PPP2R2C: variants seen among roughly 807,000 people sequenced by gnomAD.
PPP2R2C encodes the protein protein phosphatase 2 regulatory subunit Bgamma, also known as protein phosphatase 2, regulatory subunit B, gamma.
Under a neutral mutation model 45.3 loss-of-function variants are expected in PPP2R2C, and 10 were observed. The observed-to-expected ratio is 0.22, with a 90% CI of 0.14 to 0.37. The LOEUF is 0.37. Among genes scored for constraint, PPP2R2C ranks in the 10% least tolerant of loss-of-function variants. The pLI is 1.00. For missense variants in PPP2R2C, 308 were observed against 619.7 expected (o/e 0.50, Z 5.34); for synonymous variants, 257 against 245.4 (o/e 1.05, Z -0.44).
At chr4:6,443,375 G>A (rs958223128) in intron 1 of PPP2R2C, among the ~76,000 whole-genome samples, 1 of 152,212 alleles carries the variant, frequency 6.6e-6, no homozygotes, top group African/African-American at 2.4e-5. Context: ...CACAGGGTGC[G>A]CTCCAGAGGC....
chr4:6,376,063 G>T, intron 3 of PPP2R2C, 132 bp from the exon 4 acceptor site: 1 of 725,206 alleles, frequency 1.4e-6, no homozygotes, highest in Non-Finnish European at 2.3e-6. Context: ...GACGGCTTTG[G>T]ACCAGAACTG....
intron 6 of PPP2R2C, among the ~76,000 whole-genome samples, chr4:6,341,266 G>C (rs572817977): frequency 3.3e-5 from 5 of 151,280 alleles, no homozygotes; most frequent in African/African-American, 1.2e-4. Flanking sequence ...TTGAACCCAG[G>C]AGGTGGAGGT....
At chr4:6,396,331 G>A (rs944773216) in intron 1 of PPP2R2C, among the ~76,000 whole-genome samples, 1 of 152,174 alleles carries the variant, frequency 6.6e-6, no homozygotes, top group African/African-American at 2.4e-5. Flanking sequence ...GTACCTTGTG[G>A]CCTGTACCCC....
intron 2 of PPP2R2C, among the ~76,000 whole-genome samples, chr4:6,523,136 A>G (rs918064730): frequency 2.6e-5 from 4 of 152,226 alleles, no homozygotes; most frequent in Non-Finnish European, 5.9e-5. Flanking sequence ...ACCATGTCCA[A>G]GGACTGTGCC....
chr4:6,456,164 G>A (rs2108751936), intron 1 of PPP2R2C, among the ~76,000 whole-genome samples: 1 of 152,370 alleles, frequency 6.6e-6, no homozygotes, highest in African/African-American at 2.4e-5. Context: ...AACTCAGAGT[G>A]CAGGATGATC....
intron 2 of PPP2R2C, among the ~76,000 whole-genome samples, chr4:6,490,914 G>A (rs1722682848): frequency 6.6e-6 from 1 of 152,182 alleles, no homozygotes; most frequent in African/African-American, 2.4e-5. Context: ...GGCTTAAAGA[G>A]GTTAAGCAAC....
intron 5 of PPP2R2C, among the ~76,000 whole-genome samples, chr4:6,367,989 T>G (rs1484841306): frequency 1.3e-5 from 2 of 152,286 alleles, no homozygotes; most frequent in East Asian, 3.9e-4. Flanking sequence ...CCAGGGTGCT[T>G]TATGTTTTGA....
intron 2 of PPP2R2C, among the ~76,000 whole-genome samples, chr4:6,494,268 C>A (rs1442668126): frequency 6.6e-6 from 1 of 152,178 alleles, no homozygotes; most frequent in Non-Finnish European, 1.5e-5. Flanking sequence ...GGTTCCTTAC[C>A]ATAGGTCCCC....
At chr4:6,562,654 T>C (rs1725618370) in intron 1 of PPP2R2C, among the ~76,000 whole-genome samples, 1 of 152,108 alleles carries the variant, frequency 6.6e-6, no homozygotes, top group Admixed American at 6.5e-5. Context: ...GTACCCCCCA[T>C]AGGCCTCTTC....
chr4:6,412,051 G>T (rs1718234413), intron 1 of PPP2R2C, among the ~76,000 whole-genome samples: 1 of 152,186 alleles, frequency 6.6e-6, no homozygotes, highest in Non-Finnish European at 1.5e-5. Context: ...GTTCCATGAT[G>T]TCCAGCTCTG....
At chr4:6,356,863 C>A (rs547017532) in intron 5 of PPP2R2C, among the ~76,000 whole-genome samples, 2 of 147,618 alleles carry the variant, frequency 1.4e-5, no homozygotes, top group East Asian at 4.1e-4. Context: ...CTGCAGCCAC[C>A]GGCATGAGAC....
chr4:6,417,895 T>C (rs1270419059), intron 1 of PPP2R2C, among the ~76,000 whole-genome samples: 2 of 152,070 alleles, frequency 1.3e-5, no homozygotes, highest in Non-Finnish European at 2.9e-5. Context: ...CAGATTTCTG[T>C]CATTTGACCC....
intron 1 of PPP2R2C, chr4:6,381,931 T>C (rs1197182831): frequency 1.3e-6 from 2 of 1,552,520 alleles, no homozygotes; most frequent in East Asian, 4.6e-5. Flanking sequence ...GTCACAGAGA[T>C]GAGTGGCCTG....
At chr4:6,349,716 A>T (rs1712357208) in intron 5 of PPP2R2C, 1 of 682,850 alleles carries the variant, frequency 1.5e-6, no homozygotes, top group African/African-American at 2.0e-5. Flanking sequence ...AGCCTGACCA[A>T]CATTGCAAAA....
intron 1 of PPP2R2C, among the ~76,000 whole-genome samples, chr4:6,558,171 T>C (rs1577258238): frequency 6.6e-6 from 1 of 152,120 alleles, no homozygotes; most frequent in Non-Finnish European, 1.5e-5. Context: ...CAACACCGAG[T>C]GAGCGCCTGA....
At chr4:6,547,921 T>A (rs1212279996) in intron 1 of PPP2R2C, among the ~76,000 whole-genome samples, 2 of 152,070 alleles carry the variant, frequency 1.3e-5, no homozygotes, top group African/African-American at 4.8e-5. Context: ...GAATTACAAA[T>A]TAAAATCATA....
At chr4:6,341,300 T>C (rs972803750) in intron 6 of PPP2R2C, among the ~76,000 whole-genome samples, 15 of 147,700 alleles carry the variant, frequency 1.0e-4, no homozygotes, top group African/African-American at 1.5e-4. Flanking sequence ...GATCATGCCA[T>C]TGCACTCCAG....
chr4:6,333,283 G>A (rs1732561972), intron 7 of PPP2R2C, among the ~76,000 whole-genome samples: 1 of 152,232 alleles, frequency 6.6e-6, no homozygotes, highest in Admixed American at 6.5e-5. Context: ...GCTCATCTCT[G>A]TTCCCACATC....
At chr4:6,346,343 C>T (rs997679036) in intron 6 of PPP2R2C, among the ~76,000 whole-genome samples, 2 of 152,172 alleles carry the variant, frequency 1.3e-5, no homozygotes, top group African/African-American at 2.4e-5. Flanking sequence ...ACTGCAGTGC[C>T]CTCCTTCTCG....
Sources: gnomAD v4.1 joint callset for allele counts (sites outside exome capture counted in the v4.1 genomes callset) on GRCh38, gnomAD v4.1.1 for gene constraint, MANE v1.5 for transcripts, NCBI Gene and HGNC (gene_info 2026-07-23, HGNC 2026-07-21) for gene names.